Variants in F13A1 observed in about 807,000 individuals in gnomAD.
F13A1 encodes the protein FSF, A subunit.
In F13A1, 47 loss-of-function variants were observed where a neutral mutation model predicts 80.1. The observed-to-expected ratio is 0.59, with a 90% CI of 0.46 to 0.75. F13A1 has a LOEUF of 0.75. F13A1 is among the 30% of genes least tolerant of loss of function. The pLI, the probability that F13A1 is intolerant of heterozygous loss-of-function variation, is 0.00. For synonymous variants in F13A1, 349 were observed against 344.9 expected, an observed-to-expected ratio of 1.01 and a Z score of -0.13; for missense variants, 817 against 930.4, an observed-to-expected ratio of 0.88 and a Z score of 1.59.
At chr6:6,270,722 G>A (rs973565064) in intron 3 of F13A1, among the ~76,000 whole-genome samples, 3 of 152,122 alleles carry the variant, frequency 2.0e-5, no homozygotes, top group Non-Finnish European at 2.9e-5. Flanking sequence ...GGAGGAAGGT[G>A]GAGAATGGCA....
intron 6 of F13A1, among the ~76,000 whole-genome samples, chr6:6,226,861 A>T (rs926677427): frequency 6.6e-6 from 1 of 152,144 alleles, no homozygotes; most frequent in African/African-American, 2.4e-5. Flanking sequence ...AAGACAGAAA[A>T]ATGTAGAGGT....
chr6:6,151,196 T>A (rs1760366890), intron 14 of F13A1, among the ~76,000 whole-genome samples: 1 of 152,108 alleles, frequency 6.6e-6, no homozygotes, highest in Non-Finnish European at 1.5e-5. Context: ...GAGGCTGAGT[T>A]TCATTCATAT....
At position 6,296,994 on chromosome 6, in the gene F13A1, A is replaced by G. The variant is rs1303534425; in HGVS notation, c.319+8357T>C. On this transcript the variant is annotated intron_variant, in intron 3 of 14. Coordinates refer to ENST00000264870, the MANE Select transcript of F13A1 (RefSeq NM_000129.4). ...TTTGTCAAAGGCCTTTTCTGCATCTATTGAGATAATCATGTGGTTTTTGTC... is the reference window on the plus strand; with the variant it reads ...TTTGTCAAAGGCCTTTTCTGCATCTGTTGAGATAATCATGTGGTTTTTGTC... Among the ~76,000 whole-genome samples, 79 of 146,770 alleles carry G rather than the reference A, an allele frequency of 5.4e-4. 4 individuals are homozygous for G. The highest frequency in any genetic ancestry group is 2.1e-3 in the African/African-American group (77 of 37,424).
intron 6 of F13A1, among the ~76,000 whole-genome samples, chr6:6,228,350 A>G (rs1484279810): frequency 3.9e-5 from 6 of 152,210 alleles, no homozygotes; most frequent in Non-Finnish European, 7.3e-5. Context: ...GAGAGGCAAC[A>G]TGGCTCAGCT....
intron 11 of F13A1, among the ~76,000 whole-genome samples, chr6:6,180,405 G>T (rs1760958550): frequency 1.3e-5 from 2 of 152,020 alleles, no homozygotes; most frequent in African/African-American, 4.8e-5. Flanking sequence ...GGAAGGCAGG[G>T]CTGTACATGT....
At chr6:6,180,208 G>C (rs899269441) in intron 11 of F13A1, among the ~76,000 whole-genome samples, 1 of 152,184 alleles carries the variant, frequency 6.6e-6, no homozygotes, top group African/African-American at 2.4e-5. Flanking sequence ...AGCTTCATCT[G>C]CCAATTCTTG....
At chr6:6,174,353 G>A (rs1760836260) in intron 12 of F13A1, among the ~76,000 whole-genome samples, 1 of 152,000 alleles carries the variant, frequency 6.6e-6, no homozygotes, top group Non-Finnish European at 1.5e-5. Context: ...TCATCGCATT[G>A]CACTCCAGCC....
At position 6,174,631 on chromosome 6, in the gene F13A1, T is replaced by C; in HGVS notation, c.1696A>G (p.Lys566Glu). 6.2e-7 allele frequency: 1 copy of C among 1,614,176 alleles called. No individual in the cohort carries two copies. The highest frequency in any genetic ancestry group is 1.7e-5 in the Admixed American group (1 of 60,022). Residue 566 changes from lysine to glutamate, a missense_variant, in exon 12 of 15, where the codon AAG becomes GAG. Coordinates refer to ENST00000264870, the MANE Select transcript of F13A1 (RefSeq NM_000129.4). Reference sequence around the variant, plus strand: ...AACGTCTCCTTCTTGAATTCTGCCTTCGGGACCCCGGTGTAGAAGGTGATG... The same window carrying C: ...AACGTCTCCTTCTTGAATTCTGCCTCCGGGACCCCGGTGTAGAAGGTGATG... ...ANITFYTGVP[K>E]AEFKKETFDV...
At chr6:6,180,275 A>G (rs200838051) in intron 11 of F13A1, among the ~76,000 whole-genome samples, 5 of 152,022 alleles carry the variant, frequency 3.3e-5, no homozygotes, top group African/African-American at 9.7e-5. Context: ...GTCTTCCCCA[A>G]CTGCCGATTC....
intron 11 of F13A1, 129 bp from the exon 12 acceptor site, chr6:6,174,996 A>C: frequency 9.0e-7 from 1 of 1,114,926 alleles, no homozygotes. Flanking sequence ...CCTCCCCAGG[A>C]GGAGGGTGCC....
At chr6:6,308,413 G>C (rs572378038) in intron 2 of F13A1, among the ~76,000 whole-genome samples, 1 of 150,194 alleles carries the variant, frequency 6.7e-6, no homozygotes, top group South Asian at 2.1e-4. Flanking sequence ...CTCTTTTGAA[G>C]TGTTATTTTC....
At chr6:6,156,205 A>C (rs539104977) in intron 13 of F13A1, among the ~76,000 whole-genome samples, 1 of 152,208 alleles carries the variant, frequency 6.6e-6, no homozygotes, top group African/African-American at 2.4e-5. Flanking sequence ...TTCAAGTTAC[A>C]TATCACTTAC....
intron 3 of F13A1, among the ~76,000 whole-genome samples, chr6:6,270,134 A>G (rs756036612): frequency 5.9e-4 from 90 of 152,190 alleles, no homozygotes; most frequent in Non-Finnish European, 9.8e-4. Context: ...CAGAGTCCCT[A>G]TGGTCTGCAA....
At chr6:6,158,622 T>C (rs929155358) in intron 13 of F13A1, among the ~76,000 whole-genome samples, 1 of 151,628 alleles carries the variant, frequency 6.6e-6, no homozygotes, top group African/African-American at 2.4e-5. Context: ...AGGGTGTGGG[T>C]GTGGGCAGGG....
intron 3 of F13A1, among the ~76,000 whole-genome samples, chr6:6,304,385 G>A (rs1029178911): frequency 3.9e-5 from 6 of 152,034 alleles, no homozygotes; most frequent in Non-Finnish European, 8.8e-5. Context: ...CTGCTTCTCT[G>A]TGCATGTATT....
At chr6:6,201,026 C>T (rs1447251007) in intron 8 of F13A1, among the ~76,000 whole-genome samples, 1 of 152,116 alleles carries the variant, frequency 6.6e-6, no homozygotes, top group African/African-American at 2.4e-5. Context: ...CATTTGCAAC[C>T]CTGAATGGAC....
chr6:6,156,336 G>A (rs552021042), intron 13 of F13A1, among the ~76,000 whole-genome samples: 93 of 152,144 alleles, frequency 6.1e-4, no homozygotes, highest in South Asian at 1.0e-3. Flanking sequence ...AAACTTTTTG[G>A]AAAGAAATTA....
At chr6:6,216,110 T>G (rs544051702) in intron 8 of F13A1, among the ~76,000 whole-genome samples, 4 of 150,648 alleles carry the variant, frequency 2.7e-5, no homozygotes, top group Non-Finnish European at 5.9e-5. Context: ...CCCAAGGTAA[T>G]TTACAGATTC....
chr6:6,250,042 C>G lies in F13A1; in HGVS notation c.690+769G>C, dbSNP rs902101100. Among the ~76,000 whole-genome samples, 1 of 152,138 alleles carries G rather than the reference C, an allele frequency of 6.6e-6. No individual in the cohort carries two copies. Among genetic ancestry groups the G allele is most frequent in the African/African-American group, 2.4e-5 (1 of 41,426 alleles). ...GAGCCAAGAAAGTACCCTGTGACCA[C>G]CAGATTCCATGAAAACTCCCTGCTG... On this transcript the variant is annotated intron_variant, in intron 5 of 14. Coordinates refer to ENST00000264870, the MANE Select transcript of F13A1 (RefSeq NM_000129.4). This position sits in a 1 kb window ranked among gnomAD's most constrained non-coding sequence, Gnocchi z 4.2.
Sources: allele counts gnomAD v4.1 joint callset (sites outside exome capture counted in the v4.1 genomes callset), GRCh38; gene constraint gnomAD v4.1.1; non-coding constraint Gnocchi (gnomAD v3.1); transcripts MANE v1.5; gene names NCBI Gene and HGNC (gene_info 2026-07-23, HGNC 2026-07-21).